The following CAMTA1 variants were observed in gnomAD, a reference collection of about 807,000 sequenced individuals.
CAMTA1 encodes calmodulin binding transcription activator 1, also known as calmodulin-binding transcription activator 1.
A neutral mutation model predicts 170.9 loss-of-function variants in CAMTA1; 27 were observed. That is an observed-to-expected ratio of 0.16 (90% confidence interval 0.12 to 0.22). CAMTA1 has a LOEUF of 0.22. Among genes scored for constraint, CAMTA1 ranks in the 10% least tolerant of loss-of-function variants. The pLI, the probability that CAMTA1 is intolerant of heterozygous loss-of-function variation, is 1.00. For missense variants in CAMTA1, 1,619 were observed against 2,217.2 expected, an observed-to-expected ratio of 0.73 and a Z score of 5.42; for synonymous variants, 833 against 891.5, an observed-to-expected ratio of 0.93 and a Z score of 1.17.
chr1:7,240,084 A>G (rs1308864836), intron 4 of CAMTA1, among the ~76,000 whole-genome samples: 20 of 152,214 alleles, frequency 1.3e-4, no homozygotes, highest in Non-Finnish European at 2.9e-4. Flanking sequence ...ACCATAGCAG[A>G]GGACATGTAC....
chr1:7,393,435 T>A (rs1430629869), intron 5 of CAMTA1, among the ~76,000 whole-genome samples: 1 of 152,032 alleles, frequency 6.6e-6, no homozygotes, highest in African/African-American at 2.4e-5. Flanking sequence ...CCAGCTAATT[T>A]TTTATTTATT....
intron 3 of CAMTA1, among the ~76,000 whole-genome samples, chr1:7,018,752 T>C (rs1700940660): frequency 6.6e-6 from 1 of 152,160 alleles, no homozygotes; most frequent in African/African-American, 2.4e-5. Flanking sequence ...TTTCCCGTTG[T>C]TGGGGTCGGA....
At chr1:7,395,952 G>T (rs981187804) in intron 5 of CAMTA1, among the ~76,000 whole-genome samples, 4 of 152,038 alleles carry the variant, frequency 2.6e-5, no homozygotes, top group African/African-American at 9.7e-5. Context: ...TAGTTCTAAT[G>T]GGTCTTTTTT....
At chr1:7,001,330 G>A (rs928285324) in intron 3 of CAMTA1, among the ~76,000 whole-genome samples, 3 of 152,148 alleles carry the variant, frequency 2.0e-5, no homozygotes, top group African/African-American at 7.2e-5. Flanking sequence ...AAATGACACC[G>A]TTAGTAACCC....
chr1:7,689,888 T>C (rs1188234238), intron 11 of CAMTA1, among the ~76,000 whole-genome samples: 1 of 152,166 alleles, frequency 6.6e-6, no homozygotes, highest in African/African-American at 2.4e-5. Context: ...GTGGGCACAG[T>C]GGCTCGTGCC....
chr1:7,048,026 T>C (rs10746466), intron 3 of CAMTA1, among the ~76,000 whole-genome samples: 98,794 of 151,950 alleles, frequency 0.65, 32,571 homozygotes, highest in African/African-American at 0.75. Flanking sequence ...TGGTGAAGTC[T>C]AGGCTGAGTC....
At chr1:7,026,119 TA>T (rs142217266) in intron 3 of CAMTA1, among the ~76,000 whole-genome samples, 776 of 136,450 alleles carry the variant, frequency 5.7e-3, no homozygotes, top group African/African-American at 5.3e-3. Flanking sequence ...GACCCTGCCT[TA>T]AAAAAAAAAA....
At chr1:7,509,859 T>A (rs985608494) in intron 6 of CAMTA1, among the ~76,000 whole-genome samples, 17 of 151,708 alleles carry the variant, frequency 1.1e-4, no homozygotes, top group African/African-American at 4.1e-4. Context: ...AGCTATGTGG[T>A]CCAAAGTCTG....
chr1:6,910,339 G>GC (rs1557810428), intron 3 of CAMTA1, among the ~76,000 whole-genome samples: 1 of 152,200 alleles, frequency 6.6e-6, no homozygotes, highest in Non-Finnish European at 1.5e-5. Flanking sequence ...TATGGCAACT[G>GC]TTTTTTTCTT....
chr1:7,453,388 G>C (rs1300327368), intron 5 of CAMTA1, among the ~76,000 whole-genome samples: 3 of 152,236 alleles, frequency 2.0e-5, no homozygotes, highest in African/African-American at 7.2e-5. Flanking sequence ...AGTCTGTCCA[G>C]GTGCCTAGAT....
chr1:7,117,610 C>T (rs1644409237), intron 4 of CAMTA1, among the ~76,000 whole-genome samples: 1 of 152,164 alleles, frequency 6.6e-6, no homozygotes, highest in South Asian at 2.1e-4. Flanking sequence ...ACTGGCTCCC[C>T]CCTAGTGGGC....
chr1:7,251,358 T>G lies in CAMTA1; in HGVS notation c.438+1732T>G, dbSNP rs1028658035. Among the ~76,000 whole-genome samples, 4 of 152,192 alleles carry G rather than the reference T, an allele frequency of 2.6e-5. No homozygotes were observed. Among genetic ancestry groups the G allele is most frequent in the Non-Finnish European group, 4.4e-5 (3 of 68,030 alleles). On this transcript the variant is annotated intron_variant, in intron 5 of 22. Coordinates refer to ENST00000303635, the MANE Select transcript of CAMTA1 (RefSeq NM_015215.4). The surrounding 1 kb of genome is among the most constrained non-coding windows in gnomAD (Gnocchi z 5.1). ...AGGCCATATTTGTGTTTGGAGTTAT[T>G]TGTGTGCTCATACTTGCAGGCAACA...
At chr1:7,566,813 G>A (rs2095048755) in intron 6 of CAMTA1, among the ~76,000 whole-genome samples, 1 of 152,196 alleles carries the variant, frequency 6.6e-6, no homozygotes, top group Admixed American at 6.5e-5. Flanking sequence ...GGAGGGCAAT[G>A]AGACCAGCCC....
At position 7,532,134 on chromosome 1, in the gene CAMTA1, G is replaced by A. The variant is rs533657353; in HGVS notation, c.510+64233G>A. 3.1e-4 allele frequency among the ~76,000 whole-genome samples: 47 copies of A among 152,212 alleles called. No homozygotes were observed. The highest frequency in any genetic ancestry group is 4.9e-4 in the Non-Finnish European group (33 of 68,004). Reference sequence around the variant, plus strand: ...ACTCCAGCGGTACCTGGAGGCTCCCGGGCCCACCCGAGCCCTAAGCTGCAG... The same window carrying A: ...ACTCCAGCGGTACCTGGAGGCTCCCAGGCCCACCCGAGCCCTAAGCTGCAG... On this transcript the variant is annotated intron_variant, in intron 6 of 22. Transcript: ENST00000303635. The surrounding 1 kb of genome is among the most constrained non-coding windows in gnomAD (Gnocchi z 4.2).
rs1386587868 is a variant in CAMTA1, at chr1:7,007,455, C to T, written c.235-83849C>T. On this transcript the variant is annotated intron_variant, in intron 3 of 22. Coordinates refer to ENST00000303635, the MANE Select transcript of CAMTA1 (RefSeq NM_015215.4). The surrounding 1 kb of genome is among the most constrained non-coding windows in gnomAD (Gnocchi z 4.5). The stretch of plus-strand genomic sequence containing the variant: ...GGCAACAGAATGTCACACCCAGGTC[C>T]TTCCCTCGCCTCGAGAACCCCAAGC... Among the ~76,000 whole-genome samples the T allele has an allele frequency of 6.6e-6, 1 of 152,192 alleles. No individual in the cohort carries two copies. The highest frequency in any genetic ancestry group is 1.5e-5 in the Non-Finnish European group (1 of 68,030).
At chr1:7,194,424 G>A (rs529621709) in intron 4 of CAMTA1, among the ~76,000 whole-genome samples, 139 of 152,232 alleles carry the variant, frequency 9.1e-4, no homozygotes, top group African/African-American at 3.1e-3. Flanking sequence ...ATATTTATAC[G>A]TGAAATTTTT....
chr1:6,852,711 A>G (rs1337421415), intron 3 of CAMTA1, among the ~76,000 whole-genome samples: 1 of 152,238 alleles, frequency 6.6e-6, no homozygotes, highest in Non-Finnish European at 1.5e-5. Flanking sequence ...TGTGTTCACC[A>G]TCCCGGAAGC....
intron 3 of CAMTA1, among the ~76,000 whole-genome samples, chr1:6,902,073 A>AAAAT (rs1553180445): frequency 2.0e-4 from 16 of 78,494 alleles, no homozygotes; most frequent in African/African-American, 5.9e-4. Flanking sequence ...ACACACACAC[A>AAAAT]AAAAAAAAAA....
chr1:7,274,912 C>G (rs549880759), intron 5 of CAMTA1, among the ~76,000 whole-genome samples: 1 of 151,934 alleles, frequency 6.6e-6, no homozygotes, highest in East Asian at 1.9e-4. Flanking sequence ...GAGGCCAAAG[C>G]GGGCAAATCA....
Sources: allele counts gnomAD v4.1 joint callset (sites outside exome capture counted in the v4.1 genomes callset), GRCh38; gene constraint gnomAD v4.1.1; non-coding constraint Gnocchi (gnomAD v3.1); transcripts MANE v1.5; gene names NCBI Gene and HGNC (gene_info 2026-07-23, HGNC 2026-07-21).